Variants in CATSPERT observed in about 807,000 individuals in gnomAD.
CATSPERT encodes the protein cation channel sperm-associated targeting subunit tau.
At chr2:201,540,385 C>A in the CATSPERT span, among the ~76,000 whole-genome samples, 27 of 152,316 alleles carry the variant, frequency 1.8e-4, 1 homozygote, top group African/African-American at 6.3e-4. Context: ...GAACTCAATG[C>A]CTGGCTTCAA....
chr2:201,573,141 T>C, the CATSPERT span, among the ~76,000 whole-genome samples: 1 of 152,214 alleles, frequency 6.6e-6, no homozygotes, highest in Non-Finnish European at 1.5e-5. Context: ...TTTTCTAGAA[T>C]AATTCCTTGA....
the CATSPERT span, chr2:201,491,113 T>G: frequency 7.1e-7 from 1 of 1,406,184 alleles, no homozygotes; most frequent in East Asian, 2.5e-5. Flanking sequence ...ACACCCTAAA[T>G]TATTGCCAGA....
chr2:201,612,355 C>T, the CATSPERT span, among the ~76,000 whole-genome samples: 1 of 152,108 alleles, frequency 6.6e-6, no homozygotes, highest in African/African-American at 2.4e-5. Flanking sequence ...GGGTGGATCA[C>T]CTGAGGTCAG....
At chr2:201,575,429 G>T in the CATSPERT span, 1 of 736,842 alleles carries the variant, frequency 1.4e-6, no homozygotes, top group Non-Finnish European at 2.0e-6. Context: ...GACTGGTGCT[G>T]GTCCATGGCC....
At chr2:201,547,755 A>C in the CATSPERT span, 2 of 482,816 alleles carry the variant, frequency 4.1e-6, no homozygotes, top group Non-Finnish European at 7.2e-6. Flanking sequence ...CTAGGGATAC[A>C]GTCAAAGGAC....
At chr2:201,531,206 G>A in the CATSPERT span, among the ~76,000 whole-genome samples, 1 of 151,820 alleles carries the variant, frequency 6.6e-6, no homozygotes, top group Admixed American at 6.6e-5. Context: ...TGATTCACCT[G>A]CCTCGGCCTC....
At chr2:201,528,101 G>A in the CATSPERT span, among the ~76,000 whole-genome samples, 2 of 148,132 alleles carry the variant, frequency 1.4e-5, no homozygotes, top group Admixed American at 6.7e-5. Flanking sequence ...AGTGGGCAAA[G>A]GACATGAACA....
chr2:201,570,187 TA>T, the CATSPERT span, among the ~76,000 whole-genome samples: 4 of 151,966 alleles, frequency 2.6e-5, no homozygotes, highest in Non-Finnish European at 4.4e-5. Flanking sequence ...AATAAATAAA[TA>T]AAAATAATCT....
At chr2:201,585,442 T>C in the CATSPERT span, among the ~76,000 whole-genome samples, 4 of 150,668 alleles carry the variant, frequency 2.7e-5, no homozygotes, top group Non-Finnish European at 5.9e-5. Flanking sequence ...AACAAAATCA[T>C]TATGTCACCA....
the CATSPERT span, among the ~76,000 whole-genome samples, chr2:201,547,128 T>G: frequency 6.6e-6 from 1 of 152,182 alleles, no homozygotes; most frequent in Non-Finnish European, 1.5e-5. Context: ...GTGGAGGGGA[T>G]GGAAAAATTG....
the CATSPERT span, among the ~76,000 whole-genome samples, chr2:201,618,527 G>C: frequency 1.5e-4 from 21 of 137,212 alleles, no homozygotes; most frequent in Admixed American, 1.1e-3. Context: ...ACTTGGACAC[G>C]GGGGGGGAAC....
At chr2:201,539,763 A>C in the CATSPERT span, among the ~76,000 whole-genome samples, 1 of 151,994 alleles carries the variant, frequency 6.6e-6, no homozygotes, top group African/African-American at 2.4e-5. Flanking sequence ...TTAGGCCATT[A>C]ATAACCCCAA....
chr2:201,513,660 C>T, the CATSPERT span, among the ~76,000 whole-genome samples: 8 of 152,266 alleles, frequency 5.3e-5, no homozygotes, highest in East Asian at 1.5e-3. Context: ...TTCACAATAG[C>T]AAAGACATGG....
At chr2:201,581,593 T>TGC in the CATSPERT span, among the ~76,000 whole-genome samples, 12 of 30,782 alleles carry the variant, frequency 3.9e-4, 2 homozygotes. Flanking sequence ...TATATATATA[T>TGC]ACACATACAT....
the CATSPERT span, among the ~76,000 whole-genome samples, chr2:201,559,734 T>A: frequency 3.9e-5 from 6 of 152,194 alleles, no homozygotes; most frequent in Non-Finnish European, 8.8e-5. Context: ...ACCGGGCCAA[T>A]GTGCCCCGCC....
the CATSPERT span, among the ~76,000 whole-genome samples, chr2:201,615,507 A>G: frequency 2.0e-5 from 3 of 152,226 alleles, no homozygotes; most frequent in African/African-American, 4.8e-5. Context: ...TTTGAAACCA[A>G]TGAGAGCAAA....
the CATSPERT span, among the ~76,000 whole-genome samples, chr2:201,567,588 G>A: frequency 1.3e-5 from 2 of 152,172 alleles, no homozygotes; most frequent in Non-Finnish European, 2.9e-5. Context: ...AGATCCAGAA[G>A]AGCTGATGTT....
the CATSPERT span, among the ~76,000 whole-genome samples, chr2:201,499,805 C>T: frequency 6.7e-6 from 1 of 150,006 alleles, no homozygotes; most frequent in Non-Finnish European, 1.5e-5. Flanking sequence ...TACACTATAG[C>T]CTGTGCAACA....
chr2:201,507,361 T>C, the CATSPERT span, among the ~76,000 whole-genome samples: 1 of 152,186 alleles, frequency 6.6e-6, no homozygotes, highest in Non-Finnish European at 1.5e-5. Flanking sequence ...AAATAGAGGT[T>C]ACTGAATTTT....
Sources: allele counts gnomAD v4.1 joint callset (sites outside exome capture counted in the v4.1 genomes callset), GRCh38; gene constraint gnomAD v4.1.1; transcripts MANE v1.5; gene names NCBI Gene and HGNC (gene_info 2026-07-23, HGNC 2026-07-21).